Variants in CEP128 observed in about 807,000 individuals in gnomAD.
CEP128 encodes centrosomal protein 128, also known as centrosomal protein 128kDa.
In CEP128, 132 loss-of-function variants were observed where a neutral mutation model predicts 156.7. That is an observed-to-expected ratio of 0.84 (90% CI 0.73 to 0.97). CEP128 has a LOEUF of 0.97. Ranked by LOEUF, CEP128 falls within the 50% of genes least tolerant of loss-of-function variation. CEP128 has a pLI of 0.00. For synonymous variants in CEP128, 469 were observed against 448.9 expected (o/e 1.04, Z -0.57); for missense variants, 1,252 against 1,281.9 (o/e 0.98, Z 0.36).
At position 80,543,980 on chromosome 14, in the gene CEP128, G is replaced by A. The variant is rs74064239; in HGVS notation, c.2881-13094C>T. On this transcript the variant is annotated intron_variant, in intron 21 of 24. Coordinates refer to ENST00000555265, the MANE Select transcript of CEP128 (RefSeq NM_152446.5). ...AACTCTAGAAAACATGCAATACTCC[G>A]AAAATTAGGCAGGATTTCACAAAAG... 7.9e-3 allele frequency among the ~76,000 whole-genome samples: 1,205 copies of A among 152,214 alleles called. 22 individuals are homozygous for A. Among genetic ancestry groups the A allele is most frequent in the African/African-American group, 0.026 (1,090 of 41,538 alleles).
chr14:80,763,991 T>A (rs761029743), intron 16 of CEP128, among the ~76,000 whole-genome samples: 49 of 152,204 alleles, frequency 3.2e-4, no homozygotes, highest in Non-Finnish European at 4.4e-4. Flanking sequence ...ATATTTTACA[T>A]CTAAGCAATT....
At chr14:80,867,477 C>T (rs1595520956) in intron 8 of CEP128, among the ~76,000 whole-genome samples, 1 of 151,964 alleles carries the variant, frequency 6.6e-6, no homozygotes, top group African/African-American at 2.4e-5. Context: ...GTACAGACAA[C>T]AAAATCAGAA....
chr14:80,811,949 C>CA, intron 13 of CEP128, among the ~76,000 whole-genome samples: 2 of 152,158 alleles, frequency 1.3e-5, no homozygotes, highest in Admixed American at 1.3e-4. Flanking sequence ...ATTTTAGGTT[C>CA]AGGGGCACAT....
chr14:80,629,155 A>ATT (rs11281646), intron 19 of CEP128, among the ~76,000 whole-genome samples: 1 of 151,776 alleles, frequency 6.6e-6, no homozygotes, highest in African/African-American at 2.4e-5. Flanking sequence ...TGACTTTGCC[A>ATT]TTAGCAACAA....
chr14:80,850,911 GTTTAA>G (rs1390738879), intron 9 of CEP128, among the ~76,000 whole-genome samples: 1 of 152,104 alleles, frequency 6.6e-6, no homozygotes, highest in African/African-American at 2.4e-5. Context: ...GTTGAATTAT[GTTTAA>G]TTTAACTATG....
At position 80,520,540 on chromosome 14, in the gene CEP128, A is replaced by T. The variant is rs556046323; in HGVS notation, c.3072+6329T>A. On this transcript the variant is annotated intron_variant, in intron 23 of 24. Transcript: ENST00000555265. ...TTGACTAGTTTTCATAATAGGACTAATAGCTAATTGATATTTTATTGTATA... is the reference window on the plus strand; with the variant it reads ...TTGACTAGTTTTCATAATAGGACTATTAGCTAATTGATATTTTATTGTATA... Among the ~76,000 whole-genome samples the T allele has an allele frequency of 9.0e-4, 137 of 152,328 alleles. 1 individual carries two copies. Among genetic ancestry groups the T allele is most frequent in the Non-Finnish European group, 5.4e-4 (37 of 68,030 alleles).
intron 13 of CEP128, among the ~76,000 whole-genome samples, chr14:80,806,490 A>G (rs1227242899): frequency 6.6e-6 from 1 of 152,216 alleles, no homozygotes; most frequent in Non-Finnish European, 1.5e-5. Context: ...CCTGGAACAC[A>G]TATCTCAAAG....
intron 19 of CEP128, among the ~76,000 whole-genome samples, chr14:80,600,881 A>G (rs1017370849): frequency 2.6e-5 from 4 of 152,116 alleles, no homozygotes; most frequent in African/African-American, 7.2e-5. Flanking sequence ...AATATAAGGT[A>G]ACAGAATTAC....
chr14:80,852,393 T>C (rs549499515), intron 9 of CEP128, among the ~76,000 whole-genome samples: 1 of 151,810 alleles, frequency 6.6e-6, no homozygotes, highest in East Asian at 1.9e-4. Context: ...ACAAAGCATA[T>C]GGTAATTTGG....
intron 18 of CEP128, among the ~76,000 whole-genome samples, chr14:80,753,832 C>T (rs2139650802): frequency 6.6e-6 from 1 of 152,286 alleles, no homozygotes; most frequent in African/African-American, 2.4e-5. Context: ...GCTAGAAAAT[C>T]CTGGAAATCT....
At position 80,735,393 on chromosome 14, in the gene CEP128, C is replaced by T. The variant is rs375308197; in HGVS notation, c.2806+7682G>A. On this transcript the variant is annotated intron_variant, in intron 19 of 24. Coordinates refer to ENST00000555265, the MANE Select transcript of CEP128 (RefSeq NM_152446.5). Reference sequence around the variant, plus strand: ...AATCATACTCATTTTGAAAATACCACGTTTCGCACATTTCCAGAACTATCT... The same window carrying T: ...AATCATACTCATTTTGAAAATACCATGTTTCGCACATTTCCAGAACTATCT... Among the ~76,000 whole-genome samples the T allele has an allele frequency of 7.2e-5, 11 of 152,098 alleles. 2 individuals carry two copies. Among genetic ancestry groups the T allele is most frequent in the Admixed American group, 5.2e-4 (8 of 15,254 alleles).
chr14:80,548,985 C>T (rs1273267937), intron 21 of CEP128, among the ~76,000 whole-genome samples: 2 of 152,142 alleles, frequency 1.3e-5, no homozygotes, highest in East Asian at 1.9e-4. Context: ...GCATAAACAG[C>T]CCACTTTTTT....
intron 8 of CEP128, among the ~76,000 whole-genome samples, chr14:80,876,774 C>G (rs1262488927): frequency 2.0e-5 from 3 of 152,070 alleles, no homozygotes; most frequent in South Asian, 2.1e-4. Flanking sequence ...CAGACACATA[C>G]AGAGAAGATT....
At chr14:80,822,847 GA>G (rs1469468266) in intron 13 of CEP128, 9 of 690,898 alleles carry the variant, frequency 1.3e-5, no homozygotes, top group Non-Finnish European at 2.1e-5. Context: ...TGCACAGTTT[GA>G]AATACTATTT....
At chr14:80,931,070 C>T (rs781203129) in intron 2 of CEP128, among the ~76,000 whole-genome samples, 2 of 152,150 alleles carry the variant, frequency 1.3e-5, no homozygotes, top group East Asian at 1.9e-4. Context: ...TCAATGTTGA[C>T]GATAAGGCAA....
chr14:80,716,698 T>A (rs1595273872), intron 19 of CEP128, among the ~76,000 whole-genome samples: 2 of 152,366 alleles, frequency 1.3e-5, no homozygotes, highest in East Asian at 3.9e-4. Context: ...AACATTTGGC[T>A]GCTATGTACA....
At chr14:80,496,126 T>A (rs755768299), downstream of CEP128, among the ~76,000 whole-genome samples, 1 of 152,182 alleles carries the variant, frequency 6.6e-6, no homozygotes, top group African/African-American at 2.4e-5. Context: ...TTTCATGTAA[T>A]TCCTGATGCC....
intron 20 of CEP128, 97 bp downstream of exon 20, chr14:80,580,276 AT>A (rs1472452688): frequency 2.7e-6 from 2 of 727,392 alleles, no homozygotes; most frequent in Non-Finnish European, 4.7e-6. Flanking sequence ...TTGTCACCCT[AT>A]TTGCTATACC....
chr14:80,880,353 A>C (rs1888473160), intron 8 of CEP128, among the ~76,000 whole-genome samples: 1 of 152,174 alleles, frequency 6.6e-6, no homozygotes, highest in South Asian at 2.1e-4. Context: ...GCCATTTATG[A>C]AAAGCCCATG....
Sources: gnomAD v4.1 joint callset for allele counts (sites outside exome capture counted in the v4.1 genomes callset) on GRCh38, gnomAD v4.1.1 for gene constraint, MANE v1.5 for transcripts, NCBI Gene and HGNC (gene_info 2026-07-23, HGNC 2026-07-21) for gene names.